The following VDR variants were observed in gnomAD, a reference collection of about 807,000 sequenced individuals.
VDR encodes vitamin D3 receptor.
In VDR, 19 loss-of-function variants were observed where a neutral mutation model predicts 39.7. The ratio of observed to expected loss-of-function variants is 0.48; its 90% CI spans 0.33 to 0.70. The LOEUF (loss-of-function observed/expected upper bound fraction) is 0.70, where lower values mean the gene tolerates loss of function less well. Among genes scored for constraint, VDR ranks in the 30% least tolerant of loss-of-function variants. The probability of loss-of-function intolerance (pLI) is 0.02; values close to 1 mark genes in which losing one functional copy is unlikely to be tolerated. For missense variants in VDR, 442 were observed against 570.5 expected (o/e 0.77, Z 2.29); for synonymous variants, 242 against 215.8 (o/e 1.12, Z -1.07).
At chr12:47,894,534 C>G (rs1946430309) in intron 1 of VDR, among the ~76,000 whole-genome samples, 1 of 152,132 alleles carries the variant, frequency 6.6e-6, no homozygotes, top group African/African-American at 2.4e-5. Flanking sequence ...CGTCTCCGCC[C>G]CTGGGTGAGA....
chr12:47,880,000 G>A (rs528243038), intron 2 of VDR, among the ~76,000 whole-genome samples: 2 of 152,180 alleles, frequency 1.3e-5, no homozygotes, highest in East Asian at 3.9e-4. Flanking sequence ...GCCAAAACTG[G>A]GCCCCCAGCT....
chr12:47,857,092 G>A (rs374921845), intron 6 of VDR, 37 bp downstream of exon 6: 25 of 1,612,756 alleles, frequency 1.6e-5, no homozygotes, highest in Middle Eastern at 1.7e-4. Flanking sequence ...CCTCGCCCCC[G>A]CTCCCTTACT....
At chr12:47,899,999 A>C (rs143645667) in intron 1 of VDR, 1 of 974,634 alleles carries the variant, frequency 1.0e-6, no homozygotes, top group African/African-American at 1.7e-5. Context: ...AGGCAAAGTG[A>C]GAATAGCTCC....
intron 7 of VDR, among the ~76,000 whole-genome samples, chr12:47,849,442 G>A (rs1401999024): frequency 3.3e-5 from 5 of 152,188 alleles, no homozygotes; most frequent in African/African-American, 1.2e-4. Context: ...CGAGATTAAT[G>A]ACCTCTTCTA....
chr12:47,889,619 G>C (rs1946325532), intron 1 of VDR, among the ~76,000 whole-genome samples: 1 of 152,176 alleles, frequency 6.6e-6, no homozygotes, highest in Non-Finnish European at 1.5e-5. Flanking sequence ...CTAGCATGGG[G>C]GTACTTCCCA....
At chr12:47,893,564 A>G (rs1158717393) in intron 1 of VDR, among the ~76,000 whole-genome samples, 2 of 152,194 alleles carry the variant, frequency 1.3e-5, no homozygotes, top group African/African-American at 4.8e-5. Context: ...CTGCCATATC[A>G]CCAGTGCAAT....
intron 1 of VDR, among the ~76,000 whole-genome samples, chr12:47,900,461 A>C (rs1337264387): frequency 6.6e-6 from 1 of 152,180 alleles, no homozygotes; most frequent in African/African-American, 2.4e-5. Flanking sequence ...CCTGAGAGGG[A>C]GTCGTGGGTT....
chr12:47,862,014 C>T (rs935027420), intron 4 of VDR, among the ~76,000 whole-genome samples: 4 of 152,190 alleles, frequency 2.6e-5, no homozygotes, highest in African/African-American at 9.7e-5. Flanking sequence ...TAATGAGGAG[C>T]TAATATTCAT....
intron 1 of VDR, among the ~76,000 whole-genome samples, chr12:47,894,842 C>A (rs1946437258): frequency 1.3e-5 from 2 of 152,282 alleles, no homozygotes; most frequent in African/African-American, 4.8e-5. Context: ...AGAGGTGGGA[C>A]CCTAGTCAAG....
intron 7 of VDR, among the ~76,000 whole-genome samples, chr12:47,847,475 A>G (rs1036637094): frequency 1.3e-5 from 2 of 151,652 alleles, no homozygotes; most frequent in African/African-American, 4.9e-5. Flanking sequence ...CTTGGCTCCA[A>G]CCTCTCATTC....
rs557035125 is a variant in VDR, at chr12:47,897,441, G to T, written c.-84+7514C>A. Among the ~76,000 whole-genome samples, 10 of 152,290 alleles carry T rather than the reference G, an allele frequency of 6.6e-5. No homozygotes were observed. In the East Asian group the frequency reaches 1.9e-3, roughly 29 times the overall value. On this transcript the variant is annotated intron_variant, in intron 1 of 9. Coordinates refer to ENST00000549336, the MANE Select transcript of VDR (RefSeq NM_000376.3). ...GCACAGGCCTGGGAGCCAAAGTGAG[G>T]CCCAGGGCAGAAGCACCTGCCTGCC...
Position 47,865,051 on chromosome 12 carries a change from C to T in VDR, c.273G>A (p.Lys91=), listed in dbSNP as rs968438452. 1.2e-6 allele frequency: 2 copies of T among 1,613,264 alleles called. No homozygotes were observed. The highest frequency in any genetic ancestry group is 1.3e-5 in the African/African-American group (1 of 75,036). ...LKRCVDIGMM[K]EFILTDEEVQ... Reference sequence around the variant, plus strand: ...GCCCAGCCCCTGGACACTCACACTCCTTCATCATGCCGATGTCCACACAGC... The same window carrying T: ...GCCCAGCCCCTGGACACTCACACTCTTTCATCATGCCGATGTCCACACAGC... The change falls in exon 4 of 10, where the codon AAG becomes AAA. Residue 91 remains lysine, a synonymous_variant. Transcript: ENST00000549336.
At chr12:47,880,451 C>T (rs764710935) in intron 2 of VDR, among the ~76,000 whole-genome samples, 1 of 152,126 alleles carries the variant, frequency 6.6e-6, no homozygotes, top group Non-Finnish European at 1.5e-5. Context: ...AAATGAGGCC[C>T]AGAGAGGCCC....
Position 47,857,528 on chromosome 12 carries a change from G to C in VDR, c.438C>G (p.Thr146=), listed in dbSNP as rs543098804. The stretch of plus-strand genomic sequence containing the variant: ...CCCGGAACTGGCAGAAGTCGGAGTA[G>C]GTGGGGTCGTAGGTCTTATGGTGGG... ...LDAHHKTYDP[T]YSDFCQFRPP... is the part of the protein sequence containing the mutation. The change falls in exon 5 of 10, where the codon ACC becomes ACG. Residue 146 remains threonine, a synonymous_variant. Coordinates refer to ENST00000549336, the MANE Select transcript of VDR (RefSeq NM_000376.3). The C allele has an allele frequency of 5.5e-5, 88 of 1,614,106 alleles. No individual in the cohort carries two copies. The highest frequency in any genetic ancestry group is 7.4e-5 in the Non-Finnish European group (87 of 1,180,050).
At chr12:47,871,495 ACT>A (rs774242805) in intron 3 of VDR, among the ~76,000 whole-genome samples, 2 of 113,436 alleles carry the variant, frequency 1.8e-5, no homozygotes, top group African/African-American at 3.6e-5. Context: ...ATGGAATTTC[ACT>A]CTGTCACCCA....
chr12:47,900,840 C>T (rs1437151009), intron 1 of VDR, among the ~76,000 whole-genome samples: 1 of 152,190 alleles, frequency 6.6e-6, no homozygotes, highest in African/African-American at 2.4e-5. Context: ...TCCGCTTTCC[C>T]GCCGGTGCAG....
At chr12:47,869,342 G>C (rs1354769055) in intron 3 of VDR, among the ~76,000 whole-genome samples, 15 of 151,700 alleles carry the variant, frequency 9.9e-5, no homozygotes, top group Non-Finnish European at 1.3e-4. Flanking sequence ...CGAGACCATT[G>C]TGGCTAACAC....
chr12:47,860,122 C>G (rs1565615625), intron 4 of VDR, among the ~76,000 whole-genome samples: 1 of 152,006 alleles, frequency 6.6e-6, no homozygotes, highest in Non-Finnish European at 1.5e-5. Context: ...TGCCACCATG[C>G]CTGGCCAATT....
At chr12:47,900,426 G>A (rs1269065608) in intron 1 of VDR, among the ~76,000 whole-genome samples, 1 of 152,218 alleles carries the variant, frequency 6.6e-6, no homozygotes, top group Non-Finnish European at 1.5e-5. Context: ...GTTCCATGCA[G>A]GTTAAGAGCA....
Sources: allele counts gnomAD v4.1 joint callset (sites outside exome capture counted in the v4.1 genomes callset), GRCh38; gene constraint gnomAD v4.1.1; transcripts MANE v1.5; gene names NCBI Gene and HGNC (gene_info 2026-07-23, HGNC 2026-07-21).